KIAA1328: variants seen among roughly 807,000 people sequenced by gnomAD.
KIAA1328 encodes the protein protein hinderin.
KIAA1328 carries 52 observed loss-of-function variants against 68.1 expected under a neutral mutation model. That is an observed-to-expected ratio of 0.76 (90% CI 0.61 to 0.96). The LOEUF (loss-of-function observed/expected upper bound fraction) is 0.96, where lower values mean the gene tolerates loss of function less well. KIAA1328 is among the 40% of genes least tolerant of loss of function. KIAA1328 has a pLI of 0.00. For missense variants in KIAA1328, 641 were observed against 677.6 expected, an observed-to-expected ratio of 0.95 and a Z score of 0.60; for synonymous variants, 232 against 239.4, an observed-to-expected ratio of 0.97 and a Z score of 0.28.
intron 7 of KIAA1328, among the ~76,000 whole-genome samples, chr18:37,133,024 A>G (rs1254042368): frequency 1.3e-5 from 2 of 152,154 alleles, no homozygotes; most frequent in East Asian, 3.8e-4. Context: ...TTTCCATGGC[A>G]TTCCAGAAAA....
intron 7 of KIAA1328, among the ~76,000 whole-genome samples, chr18:37,114,043 C>T (rs1217764220): frequency 1.3e-5 from 2 of 152,262 alleles, no homozygotes; most frequent in Middle Eastern, 6.8e-3. Context: ...GACTTAGACT[C>T]CCACACAATA....
chr18:36,869,247 G>A (rs1001043085), intron 4 of KIAA1328, among the ~76,000 whole-genome samples: 5 of 152,128 alleles, frequency 3.3e-5, no homozygotes, highest in Admixed American at 2.0e-4. Context: ...CCATTTTCAG[G>A]TGGTTGTTCT....
At chr18:36,916,896 CT>C (rs1180268522) in intron 5 of KIAA1328, among the ~76,000 whole-genome samples, 1 of 151,738 alleles carries the variant, frequency 6.6e-6, no homozygotes, top group Non-Finnish European at 1.5e-5. Flanking sequence ...CTATAGGCAT[CT>C]GCCACTGTAC....
intron 4 of KIAA1328, among the ~76,000 whole-genome samples, chr18:36,845,121 G>A (rs1255268934): frequency 1.3e-5 from 2 of 151,664 alleles, no homozygotes; most frequent in East Asian, 3.9e-4. Context: ...ACAATCATGG[G>A]TATCAAAGAT....
At chr18:36,905,444 T>C (rs2151047717) in intron 5 of KIAA1328, among the ~76,000 whole-genome samples, 1 of 152,260 alleles carries the variant, frequency 6.6e-6, no homozygotes, top group South Asian at 2.1e-4. Flanking sequence ...AAAATAAATT[T>C]ACTTCCTGTG....
At chr18:37,164,793 A>G (rs1212186972) in intron 8 of KIAA1328, among the ~76,000 whole-genome samples, 1 of 152,108 alleles carries the variant, frequency 6.6e-6, no homozygotes, top group Non-Finnish European at 1.5e-5. Flanking sequence ...AGTCAAGAAA[A>G]TATGGACGGG....
chr18:37,174,042 A>C (rs1395480320), intron 9 of KIAA1328, among the ~76,000 whole-genome samples: 1 of 152,232 alleles, frequency 6.6e-6, no homozygotes, highest in African/African-American at 2.4e-5. Flanking sequence ...CCAACACAAA[A>C]GATAATAACA....
chr18:37,046,394 G>T (rs2055469632), intron 6 of KIAA1328, among the ~76,000 whole-genome samples: 1 of 152,016 alleles, frequency 6.6e-6, no homozygotes, highest in Non-Finnish European at 1.5e-5. Flanking sequence ...GAAAGCCTTG[G>T]GTTTTTGAAC....
intron 6 of KIAA1328, among the ~76,000 whole-genome samples, chr18:37,024,698 G>T (rs2151546526): frequency 6.6e-6 from 1 of 152,216 alleles, no homozygotes; most frequent in Non-Finnish European, 1.5e-5. Flanking sequence ...ACCTACAAAG[G>T]ACATGAACTC....
chr18:36,950,484 C>A (rs2051114251), intron 5 of KIAA1328, among the ~76,000 whole-genome samples: 1 of 152,114 alleles, frequency 6.6e-6, no homozygotes, highest in South Asian at 2.1e-4. Context: ...AAAACACAGT[C>A]TGCTTCAGGT....
At chr18:36,979,232 A>G (rs1435561940) in intron 6 of KIAA1328, among the ~76,000 whole-genome samples, 1 of 152,178 alleles carries the variant, frequency 6.6e-6, no homozygotes, top group South Asian at 2.1e-4. Context: ...ATGAATACCT[A>G]TTGGTGTGCC....
chr18:37,080,885 T>C (rs972057692), intron 7 of KIAA1328, among the ~76,000 whole-genome samples: 5 of 151,902 alleles, frequency 3.3e-5, no homozygotes, highest in Non-Finnish European at 5.9e-5. Context: ...GCTCTCATCC[T>C]AAAACAAAGT....
chr18:37,071,057 C>CTTTCTTTTTT (rs2056510043), intron 7 of KIAA1328, among the ~76,000 whole-genome samples: 1 of 86,846 alleles, frequency 1.2e-5, no homozygotes, highest in Non-Finnish European at 2.3e-5. Flanking sequence ...TTTTTTCTTC[C>CTTTCTTTTTT]TTTTTTTTTT....
downstream of KIAA1328, chr18:37,231,428 GAAT>G (rs1308792512): frequency 6.6e-6 from 1 of 152,312 alleles, no homozygotes; most frequent in Non-Finnish European, 1.5e-5. Context: ...ATGAAAGCAA[GAAT>G]GATGAGGCCA....
chr18:36,864,332 T>C (rs1271026131), intron 4 of KIAA1328, among the ~76,000 whole-genome samples: 1 of 151,336 alleles, frequency 6.6e-6, no homozygotes, highest in Non-Finnish European at 1.5e-5. Context: ...AATGGAGTCT[T>C]GCTGTGTCGC....
chr18:37,220,357 A>G (rs1193990247), intron 9 of KIAA1328, among the ~76,000 whole-genome samples: 1 of 152,278 alleles, frequency 6.6e-6, no homozygotes, highest in African/African-American at 2.4e-5. Context: ...AGTTACAAAG[A>G]AAAATTAAAT....
intron 7 of KIAA1328, among the ~76,000 whole-genome samples, chr18:37,099,324 T>C (rs998921144): frequency 3.3e-5 from 5 of 152,208 alleles, no homozygotes; most frequent in South Asian, 2.1e-4. Context: ...GCCTTCATTT[T>C]GTTGTGTACC....
In KIAA1328 at chr18:36,981,964, T is replaced by C. The variant is rs74613881; in HGVS notation, c.576+22529T>C. On this transcript the variant is annotated intron_variant, in intron 6 of 9. Coordinates refer to ENST00000280020, the MANE Select transcript of KIAA1328 (RefSeq NM_020776.3). ...ACACTGGATCGGATTAATGGGAGAT[T>C]AGACATTGCAGAAGAAAAAATGAGT... Among the ~76,000 whole-genome samples, 1,405 of 151,018 alleles carry C rather than the reference T, an allele frequency of 9.3e-3. 29 individuals are homozygous for C. Among genetic ancestry groups the C allele is most frequent in the African/African-American group, 0.032 (1,331 of 41,126 alleles).
intron 6 of KIAA1328, among the ~76,000 whole-genome samples, chr18:36,991,158 A>G (rs888082333): frequency 1.2e-4 from 19 of 152,318 alleles, no homozygotes; most frequent in Admixed American, 5.9e-4. Flanking sequence ...TATGATTTTT[A>G]CCTGTATTTG....
Sources: allele counts gnomAD v4.1 joint callset (sites outside exome capture counted in the v4.1 genomes callset), GRCh38; gene constraint gnomAD v4.1.1; transcripts MANE v1.5; gene names NCBI Gene and HGNC (gene_info 2026-07-23, HGNC 2026-07-21).